The following PCDHGB7 variants were observed in gnomAD, a reference collection of about 807,000 sequenced individuals.
The protein encoded by PCDHGB7 is protocadherin gamma-B7.
Under a neutral mutation model 61.4 loss-of-function variants are expected in PCDHGB7, and 37 were observed. That is an observed-to-expected ratio of 0.60 (90% CI 0.46 to 0.79). The LOEUF is 0.79. Ranked by LOEUF, PCDHGB7 falls within the 30% of genes least tolerant of loss-of-function variation. PCDHGB7 has a pLI of 0.00. For synonymous variants in PCDHGB7, 464 were observed against 503.5 expected (o/e 0.92, Z 1.05); for missense variants, 1,166 against 1,202.5 (o/e 0.97, Z 0.45).
At chr5:141,467,344 C>A (rs2099142230) in intron 1 of PCDHGB7, among the ~76,000 whole-genome samples, 1 of 152,122 alleles carries the variant, frequency 6.6e-6, no homozygotes, top group South Asian at 2.1e-4. Flanking sequence ...TAAGCCACTG[C>A]CCCCGGCCAA....
chr5:141,485,185 G>C lies in PCDHGB7; in HGVS notation c.2416-9622G>C. On this transcript the variant is annotated intron_variant, in intron 1 of 3. Transcript: ENST00000398594. This position sits in a 1 kb window ranked among gnomAD's most constrained non-coding sequence, Gnocchi z 5.7. ...AGCGGGCGGCAGCAATGCTCCGCAA[G>C]GTGAGAAGCTGGACAGAAATCTGGC... 6.2e-7 allele frequency: 1 copy of C among 1,613,528 alleles called. No homozygotes were observed. Among genetic ancestry groups the C allele is most frequent in the Non-Finnish European group, 8.5e-7 (1 of 1,179,492 alleles).
At chr5:141,505,151 G>T (rs2099844154) in intron 2 of PCDHGB7, among the ~76,000 whole-genome samples, 1 of 152,164 alleles carries the variant, frequency 6.6e-6, no homozygotes, top group Non-Finnish European at 1.5e-5. Context: ...GACAGAGTAA[G>T]ACCCTGTCTA....
chr5:141,455,388 A>C (rs1415223043), intron 1 of PCDHGB7, among the ~76,000 whole-genome samples: 1 of 152,086 alleles, frequency 6.6e-6, no homozygotes, highest in Non-Finnish European at 1.5e-5. Context: ...AGAAGGAAGG[A>C]GCTCCCCCTT....
rs1001912556 is a variant in PCDHGB7, at chr5:141,493,404, CTCTGCTGGGATTTTGCT to C, written c.2416-1391_2416-1375del. Among the ~76,000 whole-genome samples, 10 of 152,266 alleles carry C rather than the reference CTCTGCTGGGATTTTGCT, an allele frequency of 6.6e-5. No individual in the cohort carries two copies. Among genetic ancestry groups the C allele is most frequent in the Admixed American group, 6.5e-4 (10 of 15,298 alleles). On this transcript the variant is annotated intron_variant, in intron 1 of 3. Coordinates refer to ENST00000398594, the MANE Select transcript of PCDHGB7 (RefSeq NM_018927.4). The surrounding 1 kb of genome is among the most constrained non-coding windows in gnomAD (Gnocchi z 4.3). ...CTTGAGGACAGGAGAGGGGAGTTGCCTCTGCTGGGATTTTGCTTCTGCTGGGATGGGGCAAGGGTGGG... is the reference window on the plus strand; with the variant it reads ...CTTGAGGACAGGAGAGGGGAGTTGCCTCTGCTGGGATGGGGCAAGGGTGGG...
At chr5:141,423,140 C>T (rs760216287) in intron 1 of PCDHGB7, 7 of 1,613,498 alleles carry the variant, frequency 4.3e-6, no homozygotes, top group Non-Finnish European at 2.5e-6. Flanking sequence ...GACAGAGACG[C>T]GCTCAAGCAG....
chr5:141,423,531 C>T, intron 1 of PCDHGB7: 1 of 1,613,736 alleles, frequency 6.2e-7, no homozygotes, highest in South Asian at 1.1e-5. Context: ...AGAAGAGTCA[C>T]CTGATTTTCC....
Position 141,476,263 on chromosome 5 carries a change from C to G in PCDHGB7, c.2416-18544C>G. 13 of 1,613,940 alleles carry G rather than the reference C, an allele frequency of 8.1e-6. No individual in the cohort carries two copies. Among genetic ancestry groups the G allele is most frequent in the Non-Finnish European group, 1.1e-5 (13 of 1,180,010 alleles). On this transcript the variant is annotated intron_variant, in intron 1 of 3. Transcript: ENST00000398594. This position sits in a 1 kb window ranked among gnomAD's most constrained non-coding sequence, Gnocchi z 7.6. ...GAGAGAAGGGTTTCGCTGTGGGCAA[C>G]GTGGTCGCGAACCTTGGTTTGGATC...
Position 141,432,155 on chromosome 5 carries a change from C to T in PCDHGB7, c.2415+11881C>T, listed in dbSNP as rs368480052. 3.8e-5 allele frequency: 62 copies of T among 1,614,178 alleles called. No individual in the cohort carries two copies. In the African/African-American group the frequency reaches 7.1e-4, roughly 18 times the overall value. On this transcript the variant is annotated intron_variant, in intron 1 of 3. Coordinates refer to ENST00000398594, the MANE Select transcript of PCDHGB7 (RefSeq NM_018927.4). This position sits in a 1 kb window ranked among gnomAD's most constrained non-coding sequence, Gnocchi z 6.0. ...TTCCGCTTATATCCCAGAGAACAATCCCAGAGGAGTTTCCCTCGTCTCTGT... is the reference window on the plus strand; with the variant it reads ...TTCCGCTTATATCCCAGAGAACAATTCCAGAGGAGTTTCCCTCGTCTCTGT...
intron 1 of PCDHGB7, chr5:141,430,809 G>T (rs949727881): frequency 2.0e-6 from 3 of 1,526,896 alleles, no homozygotes; most frequent in Non-Finnish European, 2.6e-6. Flanking sequence ...GTCCTGCTGG[G>T]AATCCTCCTG....
At chr5:141,478,247 G>C (rs1377698933) in intron 1 of PCDHGB7, 1 of 1,613,956 alleles carries the variant, frequency 6.2e-7, no homozygotes, top group Non-Finnish European at 8.5e-7. Context: ...CACAGTGTTC[G>C]GAGTAATCAT....
At position 141,489,876 on chromosome 5, in the gene PCDHGB7, T is replaced by C. The variant is rs2099693265; in HGVS notation, c.2416-4931T>C. ...CCCAGGCAAGACATCAGCTGGTGCT[T>C]ACTGCTGTGGATGGGGGGACCCCAG... On this transcript the variant is annotated intron_variant, in intron 1 of 3. Transcript: ENST00000398594. This position sits in a 1 kb window ranked among gnomAD's most constrained non-coding sequence, Gnocchi z 4.5. The C allele has an allele frequency of 6.2e-7, 1 of 1,614,098 alleles. No homozygotes were observed. The highest frequency in any genetic ancestry group is 1.1e-5 in the South Asian group (1 of 91,094).
intron 1 of PCDHGB7, among the ~76,000 whole-genome samples, chr5:141,492,474 G>T (rs2099741007): frequency 6.6e-6 from 1 of 152,218 alleles, no homozygotes; most frequent in African/African-American, 2.4e-5. Context: ...CCCAGATCGC[G>T]GCCGCCCAGG....
chr5:141,425,794 G>A (rs915736198), intron 1 of PCDHGB7, among the ~76,000 whole-genome samples: 23 of 152,074 alleles, frequency 1.5e-4, no homozygotes, highest in Non-Finnish European at 2.2e-4. Context: ...CTTCCAATAT[G>A]TGCATTGCTT....
chr5:141,485,827 G>A lies in PCDHGB7; in HGVS notation c.2416-8980G>A. 1 of 1,614,154 alleles carries A rather than the reference G, an allele frequency of 6.2e-7. No individual in the cohort carries two copies. The highest frequency in any genetic ancestry group is 1.1e-5 in the South Asian group (1 of 91,080). On this transcript the variant is annotated intron_variant, in intron 1 of 3. Coordinates refer to ENST00000398594, the MANE Select transcript of PCDHGB7 (RefSeq NM_018927.4). The surrounding 1 kb of genome is among the most constrained non-coding windows in gnomAD (Gnocchi z 5.7). Reference sequence around the variant, plus strand: ...TGGTGCTGACTGCTGTCGATGGAGGGAACCCGCCGAGATCTGGCACCGCAG... The same window carrying A: ...TGGTGCTGACTGCTGTCGATGGAGGAAACCCGCCGAGATCTGGCACCGCAG...
At chr5:141,469,111 T>TA (rs1275770294) in intron 1 of PCDHGB7, among the ~76,000 whole-genome samples, 1 of 151,476 alleles carries the variant, frequency 6.6e-6, no homozygotes, top group African/African-American at 2.4e-5. Context: ...AACCTGTCTC[T>TA]AAAAAAATTT....
intron 1 of PCDHGB7, among the ~76,000 whole-genome samples, chr5:141,425,402 A>C (rs1288785443): frequency 6.6e-6 from 1 of 152,222 alleles, no homozygotes; most frequent in Non-Finnish European, 1.5e-5. Flanking sequence ...AAGTTCTGTT[A>C]AGGTATAACA....
At position 141,490,807 on chromosome 5, in the gene PCDHGB7, G is replaced by T. The variant is rs1315856354; in HGVS notation, c.2416-4000G>T. Reference sequence around the variant, plus strand: ...ACGGATCTTTGCCCAGCGTACCTTTGACTATGAATTGCTGCAGATGCTGCA... The same window carrying T: ...ACGGATCTTTGCCCAGCGTACCTTTTACTATGAATTGCTGCAGATGCTGCA... On this transcript the variant is annotated intron_variant, in intron 1 of 3. Transcript: ENST00000398594. This position sits in a 1 kb window ranked among gnomAD's most constrained non-coding sequence, Gnocchi z 5.4. 6.2e-7 allele frequency: 1 copy of T among 1,613,924 alleles called. No individual in the cohort carries two copies. The highest frequency in any genetic ancestry group is 8.5e-7 in the Non-Finnish European group (1 of 1,179,870).
intron 1 of PCDHGB7, chr5:141,427,753 T>A (rs745532152): frequency 4.5e-6 from 6 of 1,322,510 alleles, no homozygotes; most frequent in Non-Finnish European, 6.4e-6. Flanking sequence ...TACTCCATCG[T>A]TACCACTGAC....
chr5:141,483,445 C>T (rs1332037230), intron 1 of PCDHGB7, among the ~76,000 whole-genome samples: 1 of 152,106 alleles, frequency 6.6e-6, no homozygotes, highest in Admixed American at 6.5e-5. Context: ...ACAATAAAAT[C>T]ATCAGGACTT....
Sources: allele counts gnomAD v4.1 joint callset (sites outside exome capture counted in the v4.1 genomes callset), GRCh38; gene constraint gnomAD v4.1.1; non-coding constraint Gnocchi (gnomAD v3.1); transcripts MANE v1.5; gene names NCBI Gene and HGNC (gene_info 2026-07-23, HGNC 2026-07-21).